Variants in MFN2 observed in about 807,000 individuals in gnomAD.
The protein encoded by MFN2 is mitofusin 2.
A neutral mutation model predicts 87.5 loss-of-function variants in MFN2; 43 were observed. The ratio of observed to expected loss-of-function variants is 0.49; its 90% CI spans 0.38 to 0.63. MFN2 has a LOEUF of 0.63. MFN2 is among the 30% of genes least tolerant of loss of function. MFN2 has a pLI of 0.00. For synonymous variants in MFN2, 337 were observed against 359.9 expected (o/e 0.94, Z 0.72); for missense variants, 743 against 972.8 (o/e 0.76, Z 3.14).
chr1:11,998,718 G>A (rs553522104), intron 6 of MFN2, 52 bp from the exon 7 acceptor site: 1 of 1,537,178 alleles, frequency 6.5e-7, no homozygotes, highest in African/African-American at 1.4e-5. Flanking sequence ...TCAGCAGGAA[G>A]AATAGGGCTC....
intron 2 of MFN2, among the ~76,000 whole-genome samples, chr1:11,983,905 G>A (rs1638272467): frequency 6.6e-6 from 1 of 152,224 alleles, no homozygotes; most frequent in Admixed American, 6.5e-5. Context: ...ATGCAACACA[G>A]ATGTGGAATC....
intron 3 of MFN2, 152 bp from the exon 4 acceptor site, chr1:11,992,403 C>A: frequency 1.1e-6 from 1 of 947,578 alleles, no homozygotes; most frequent in Non-Finnish European, 1.7e-6. Flanking sequence ...CGTGGGGCCA[C>A]CATAGAGGAT....
rs551385979 is a variant in MFN2 at position 12,008,705 on chromosome 1, G to A, written c.2070-887G>A. Among the ~76,000 whole-genome samples the A allele has an allele frequency of 4.6e-5, 7 of 151,806 alleles. No homozygotes were observed. The South Asian group carries it at 1.5e-3, about 32-fold the overall frequency. On this transcript the variant is annotated intron_variant, in intron 17 of 18. Transcript: ENST00000235329. ...TAGATGGGATGGCGGCCGGGAAGAG[G>A]TGCTCCTCACTTCCCAGAGTGGGCA... is the stretch of plus-strand genomic sequence containing the variant.
chr1:12,001,384 A>G lies in MFN2; in HGVS notation c.817-17A>G, dbSNP rs374456886. 6.2e-7 allele frequency: 1 copy of G among 1,612,798 alleles called. No homozygotes were observed. Among genetic ancestry groups the G allele is most frequent in the African/African-American group, 1.3e-5 (1 of 74,890 alleles). Reference sequence around the variant, plus strand: ...GGCCACCTACACTCACTCTGGACACATTTGTTTGGGCTCCAGGTGCGGCGG... The same window carrying G: ...GGCCACCTACACTCACTCTGGACACGTTTGTTTGGGCTCCAGGTGCGGCGG... On this transcript the variant is annotated splice_polypyrimidine_tract_variant and intron_variant, in intron 8 of 18. Transcript: ENST00000235329.
intron 10 of MFN2, 27 bp downstream of exon 10, chr1:12,001,863 C>T (rs746011464): frequency 7.4e-6 from 12 of 1,613,470 alleles, no homozygotes; most frequent in Admixed American, 6.7e-5. Context: ...TGGTATCTGG[C>T]GATTCTGTGC....
At chr1:12,008,444 G>C (rs1038686190) in intron 17 of MFN2, among the ~76,000 whole-genome samples, 1 of 142,996 alleles carries the variant, frequency 7.0e-6, no homozygotes, top group Non-Finnish European at 1.5e-5. Context: ...CTCCCTCCCG[G>C]ACGGGGCGGC....
chr1:12,005,501 G>A (rs1026894107), intron 14 of MFN2, among the ~76,000 whole-genome samples: 2 of 152,262 alleles, frequency 1.3e-5, no homozygotes, highest in Admixed American at 6.5e-5. Flanking sequence ...AGTGTTAGCA[G>A]TATGGCATCT....
chr1:12,005,014 T>C (rs935530424), intron 14 of MFN2, 87 bp downstream of exon 14: 1 of 1,001,082 alleles, frequency 1.0e-6, no homozygotes, highest in African/African-American at 1.6e-5. Context: ...ATCAGGACTT[T>C]CCTTATCTGT....
intron 6 of MFN2, among the ~76,000 whole-genome samples, chr1:11,998,089 G>A (rs189428455): frequency 1.4e-3 from 204 of 150,330 alleles, no homozygotes; most frequent in South Asian, 2.8e-3. Context: ...TCACCATGTT[G>A]GCCAGGCTGG....
chr1:12,002,283 C>T lies in MFN2; in HGVS notation c.1160+180C>T, dbSNP rs982823918. Among the ~76,000 whole-genome samples the T allele has an allele frequency of 3.3e-5, 5 of 152,354 alleles. No homozygotes were observed. The East Asian group carries it at 7.7e-4, about 23-fold the overall frequency. On this transcript the variant is annotated intron_variant, in intron 11 of 18. Coordinates refer to ENST00000235329, the MANE Select transcript of MFN2 (RefSeq NM_014874.4). ...CACATAGACAGCCTGGTGAGGAGGG[C>T]GGCTGGGTGCTTCATCACCCCACCT...
intron 3 of MFN2, 173 bp from the exon 4 acceptor site, chr1:11,992,382 A>C (rs1405584766): frequency 6.4e-6 from 5 of 786,804 alleles, no homozygotes; most frequent in Non-Finnish European, 1.1e-5. Context: ...CCATCTTCTT[A>C]ACCACCACAC....
At chr1:11,994,533 T>G (rs1229850045) in intron 4 of MFN2, among the ~76,000 whole-genome samples, 1 of 151,546 alleles carries the variant, frequency 6.6e-6, no homozygotes, top group South Asian at 2.1e-4. Context: ...GAGGTTGCAG[T>G]GAGTCAAGAT....
At chr1:12,008,335 G>GC (rs1449642062) in intron 17 of MFN2, among the ~76,000 whole-genome samples, 4 of 151,858 alleles carry the variant, frequency 2.6e-5, no homozygotes, top group Non-Finnish European at 5.9e-5. Flanking sequence ...TTGGGCAGAG[G>GC]CGCCCCCCAC....
chr1:11,991,759 C>A (rs1638687485), intron 3 of MFN2, among the ~76,000 whole-genome samples: 1 of 151,036 alleles, frequency 6.6e-6, no homozygotes, highest in African/African-American at 2.4e-5. Context: ...CCTGTCTCTA[C>A]TAAAAATACA....
At chr1:11,996,041 G>T in intron 4 of MFN2, 115 bp from the exon 5 acceptor site, 3 of 1,308,344 alleles carry the variant, frequency 2.3e-6, no homozygotes, top group Non-Finnish European at 3.3e-6. Flanking sequence ...CACTGTCTGG[G>T]CACTGGCAAC....
At chr1:11,992,187 C>T (rs141016910) in intron 3 of MFN2, 28 of 274,422 alleles carry the variant, frequency 1.0e-4, no homozygotes, top group African/African-American at 5.6e-4. Flanking sequence ...CTTCTACCAG[C>T]CGCCATTCAC....
In MFN2 at chr1:12,007,199, G is replaced by A. The variant is rs1190191316; in HGVS notation, c.2019G>A (p.Leu673=). The A allele has an allele frequency of 4.3e-6, 7 of 1,614,180 alleles. No homozygotes were observed. Among genetic ancestry groups the A allele is most frequent in the Non-Finnish European group, 5.9e-6 (7 of 1,180,046 alleles). The stretch of plus-strand genomic sequence containing the variant: ...TTGTGGAGCATGCCAGCGAGAAGCT[G>A]CAGCTTGTCATCAGCTACACTGGCT... ...RQFVEHASEK[L]QLVISYTGSN... The change falls in exon 17 of 19, where the codon CTG becomes CTA. Residue 673 remains leucine (L), a synonymous_variant. Coordinates refer to ENST00000235329, the MANE Select transcript of MFN2 (RefSeq NM_014874.4).
rs745416039 is a variant in MFN2, at chr1:12,004,928, G to C, written c.1495+1G>C. 1 of 1,605,098 alleles carries C rather than the reference G, an allele frequency of 6.2e-7. No individual in the cohort carries two copies. The highest frequency in any genetic ancestry group is 8.5e-7 in the Non-Finnish European group (1 of 1,175,770). On this transcript the variant is annotated splice_donor_variant, in intron 14 of 18. Coordinates refer to ENST00000235329, the MANE Select transcript of MFN2 (RefSeq NM_014874.4). LOFTEE classifies it high-confidence loss of function. This position sits in a 1 kb window ranked among gnomAD's most constrained non-coding sequence, Gnocchi z 4.2. Reference sequence around the variant, plus strand: ...CAGACCATGCAGCAGGACATGATAGGTTAGTGCCCATGGGGAACTGGGCAG... The same window carrying C: ...CAGACCATGCAGCAGGACATGATAGCTTAGTGCCCATGGGGAACTGGGCAG...
At chr1:11,998,689 A>C in intron 6 of MFN2, 81 bp from the exon 7 acceptor site, 1 of 1,317,644 alleles carries the variant, frequency 7.6e-7, no homozygotes, top group African/African-American at 1.4e-5. Context: ...TGCCTGCCTC[A>C]CAAGTCCCAG....
Sources: gnomAD v4.1 joint callset for allele counts (sites outside exome capture counted in the v4.1 genomes callset) on GRCh38, gnomAD v4.1.1 for gene constraint, Gnocchi (gnomAD v3.1) non-coding constraint, MANE v1.5 for transcripts, NCBI Gene and HGNC (gene_info 2026-07-23, HGNC 2026-07-21) for gene names.